GRID2: variants seen among roughly 807,000 people sequenced by gnomAD.
The protein encoded by GRID2 is glutamate receptor ionotropic, delta-2.
In GRID2, 33 loss-of-function variants were observed where a neutral mutation model predicts 114.8. That is an observed-to-expected ratio of 0.29 (90% CI 0.22 to 0.38). The LOEUF is 0.38. Among genes scored for constraint, GRID2 ranks in the 10% least tolerant of loss-of-function variants. GRID2 has a pLI of 1.00. For missense variants in GRID2, 1,184 were observed against 1,257.7 expected, an observed-to-expected ratio of 0.94 and a Z score of 0.89; for synonymous variants, 505 against 449.9, an observed-to-expected ratio of 1.12 and a Z score of -1.55.
At chr4:93,155,672 T>C (rs551613521) in intron 4 of GRID2, among the ~76,000 whole-genome samples, 4 of 151,892 alleles carry the variant, frequency 2.6e-5, no homozygotes, top group African/African-American at 7.2e-5. Flanking sequence ...GAGATACATG[T>C]ACAAATAATG....
intron 14 of GRID2, among the ~76,000 whole-genome samples, chr4:93,742,355 C>T (rs564745732): frequency 6.6e-6 from 1 of 152,240 alleles, no homozygotes; most frequent in East Asian, 1.9e-4. Flanking sequence ...TGATATATTA[C>T]TCTCATAGAG....
intron 2 of GRID2, among the ~76,000 whole-genome samples, chr4:92,921,175 C>G (rs905193653): frequency 6.6e-5 from 10 of 152,122 alleles, no homozygotes; most frequent in Non-Finnish European, 1.0e-4. Context: ...TCATGTAGTT[C>G]TCATGCCATG....
intron 14 of GRID2, among the ~76,000 whole-genome samples, chr4:93,738,559 T>G (rs1388764449): frequency 6.6e-6 from 1 of 152,004 alleles, no homozygotes; most frequent in Non-Finnish European, 1.5e-5. Context: ...TAATGATAGA[T>G]AGAATGTAGA....
At chr4:93,204,355 A>G (rs1742439998) in intron 4 of GRID2, among the ~76,000 whole-genome samples, 1 of 152,162 alleles carries the variant, frequency 6.6e-6, no homozygotes, top group Non-Finnish European at 1.5e-5. Flanking sequence ...GTTCACAGAT[A>G]CTTAGTACTT....
At chr4:93,766,398 A>G (rs1733676658) in intron 14 of GRID2, among the ~76,000 whole-genome samples, 1 of 152,168 alleles carries the variant, frequency 6.6e-6, no homozygotes, top group African/African-American at 2.4e-5. Context: ...TAAAACCATC[A>G]GATCTCGTGA....
intron 11 of GRID2, among the ~76,000 whole-genome samples, chr4:93,472,742 T>C (rs758860730): frequency 5.3e-5 from 8 of 152,164 alleles, no homozygotes; most frequent in Non-Finnish European, 1.0e-4. Context: ...TTACAGAAGA[T>C]AGATATTCAT....
chr4:93,608,019 A>C (rs993269285), intron 13 of GRID2, among the ~76,000 whole-genome samples: 17 of 150,222 alleles, frequency 1.1e-4, no homozygotes, highest in Admixed American at 6.7e-5. Flanking sequence ...TAAATGCTTC[A>C]TATAAACCAA....
intron 13 of GRID2, among the ~76,000 whole-genome samples, chr4:93,594,571 G>T (rs1369784035): frequency 6.6e-6 from 1 of 152,214 alleles, no homozygotes; most frequent in African/African-American, 2.4e-5. Context: ...TTGAGCTGTG[G>T]TGGGCTCCAC....
intron 2 of GRID2, among the ~76,000 whole-genome samples, chr4:92,846,143 C>T (rs1743305750): frequency 6.6e-6 from 1 of 151,994 alleles, no homozygotes; most frequent in African/African-American, 2.4e-5. Flanking sequence ...ATGTGTCTAG[C>T]TTTCGTCTTC....
intron 1 of GRID2, among the ~76,000 whole-genome samples, chr4:92,565,856 C>A (rs1727310542): frequency 6.6e-6 from 1 of 152,004 alleles, no homozygotes; most frequent in South Asian, 2.1e-4. Flanking sequence ...TGCTGTGTAA[C>A]AAATTACCAC....
intron 2 of GRID2, among the ~76,000 whole-genome samples, chr4:92,697,027 A>G (rs1734452682): frequency 6.6e-6 from 1 of 152,190 alleles, no homozygotes; most frequent in Non-Finnish European, 1.5e-5. Flanking sequence ...AATGAATTTT[A>G]GTGTTTGTGT....
chr4:92,455,452 A>G (rs1007993868), intron 1 of GRID2, among the ~76,000 whole-genome samples: 1 of 152,186 alleles, frequency 6.6e-6, no homozygotes, highest in African/African-American at 2.4e-5. Context: ...GAAGTACACC[A>G]TCAGGAGAGG....
intron 13 of GRID2, among the ~76,000 whole-genome samples, chr4:93,589,632 A>C (rs1352668876): frequency 1.3e-5 from 2 of 151,838 alleles, no homozygotes; most frequent in African/African-American, 4.8e-5. Context: ...CGCCACACTG[A>C]CTTCCACAAT....
chr4:92,530,747 A>G (rs1725309259), intron 1 of GRID2, among the ~76,000 whole-genome samples: 1 of 151,152 alleles, frequency 6.6e-6, no homozygotes, highest in Admixed American at 6.6e-5. Context: ...AAAAAAAAAA[A>G]AAAAAAAAAA....
intron 1 of GRID2, among the ~76,000 whole-genome samples, chr4:93,784,873 G>A (rs4693343): frequency 0.46 from 70,392 of 151,976 alleles, 16,972 homozygotes; most frequent in East Asian, 0.76. Flanking sequence ...TATAACTACA[G>A]TTTAAAATTA....
intron 9 of GRID2, 141 bp from the exon 10 acceptor site, chr4:93,422,630 A>G: frequency 1.7e-6 from 1 of 602,246 alleles, no homozygotes; most frequent in South Asian, 2.1e-5. Flanking sequence ...TGCGTTAATA[A>G]TGCATAAGTT....
intron 13 of GRID2, among the ~76,000 whole-genome samples, chr4:93,527,320 C>T (rs1401711251): frequency 3.3e-5 from 5 of 152,106 alleles, no homozygotes; most frequent in African/African-American, 1.2e-4. Context: ...ATATGTCTTG[C>T]AAAATCCTTT....
intron 8 of GRID2, among the ~76,000 whole-genome samples, chr4:93,344,335 T>C (rs181476219): frequency 6.6e-6 from 1 of 152,116 alleles, no homozygotes; most frequent in African/African-American, 2.4e-5. Flanking sequence ...CATAGCATAA[T>C]TAAGCAGAAA....
intron 4 of GRID2, among the ~76,000 whole-genome samples, chr4:93,154,757 C>T (rs1205470019): frequency 1.3e-5 from 2 of 151,086 alleles, no homozygotes. Flanking sequence ...AAAACAAAAA[C>T]AAACAAACAA....
Sources: allele counts gnomAD v4.1 joint callset (sites outside exome capture counted in the v4.1 genomes callset), GRCh38; gene constraint gnomAD v4.1.1; transcripts MANE v1.5; gene names NCBI Gene and HGNC (gene_info 2026-07-23, HGNC 2026-07-21).